Variants in SLC1A2 observed in about 807,000 individuals in gnomAD.
SLC1A2 encodes the protein solute carrier family 1 member 2, also known as excitatory amino acid transporter 2.
In SLC1A2, 15 loss-of-function variants were observed where a neutral mutation model predicts 48.8. That is an observed-to-expected ratio of 0.31 (90% CI 0.21 to 0.47). SLC1A2 has a LOEUF of 0.47. Among genes scored for constraint, SLC1A2 ranks in the 20% least tolerant of loss-of-function variants. The pLI is 0.99. For missense variants in SLC1A2, 502 were observed against 730.5 expected (o/e 0.69, Z 3.61); for synonymous variants, 279 against 272.6 (o/e 1.02, Z -0.23).
chr11:35,402,091 A>AT (rs768981877), intron 1 of SLC1A2, among the ~76,000 whole-genome samples: 7 of 152,218 alleles, frequency 4.6e-5, no homozygotes, highest in Non-Finnish European at 7.3e-5. Flanking sequence ...TTGTGATACA[A>AT]TAAAAAATAA....
At chr11:35,408,088 C>T (rs78900116) in intron 1 of SLC1A2, among the ~76,000 whole-genome samples, 6,522 of 152,252 alleles carry the variant, frequency 0.043, 228 homozygotes, top group South Asian at 0.14. Context: ...GCACTTACCT[C>T]GCCCCCATTT....
intron 5 of SLC1A2, among the ~76,000 whole-genome samples, chr11:35,301,890 A>G (rs1411357334): frequency 2.0e-5 from 3 of 152,240 alleles, no homozygotes; most frequent in Non-Finnish European, 2.9e-5. Context: ...GTCCTTGAAG[A>G]AAATGTATTC....
chr11:35,348,611 G>T (rs1350427234), intron 1 of SLC1A2, among the ~76,000 whole-genome samples: 2 of 152,048 alleles, frequency 1.3e-5, no homozygotes, highest in Non-Finnish European at 2.9e-5. Flanking sequence ...AGAAGACAGA[G>T]GCCAGGCATG....
Position 35,368,627 on chromosome 11 carries a change from G to C in SLC1A2, c.17+50323C>G, listed in dbSNP as rs1295898708. Among the ~76,000 whole-genome samples the C allele has an allele frequency of 3.9e-5, 6 of 152,166 alleles. No homozygotes were observed. The East Asian group carries it at 1.2e-3, about 29-fold the overall frequency. On this transcript the variant is annotated intron_variant, in intron 1 of 10. Transcript: ENST00000278379. ...AACAACTGTTCTAAAAAGCAGCAAG[G>C]GTTGTCATGAATATTTTAAGTCAGA... is the stretch of plus-strand genomic sequence containing the variant.
intron 5 of SLC1A2, among the ~76,000 whole-genome samples, chr11:35,304,600 T>C (rs1851448626): frequency 6.6e-6 from 1 of 152,066 alleles, no homozygotes; most frequent in African/African-American, 2.4e-5. Flanking sequence ...TCAGCTCATC[T>C]CTTCCCTCAC....
intron 1 of SLC1A2, among the ~76,000 whole-genome samples, chr11:35,335,260 C>T (rs1310993250): frequency 1.3e-5 from 2 of 152,160 alleles, no homozygotes; most frequent in African/African-American, 4.8e-5. Flanking sequence ...CCAACCTCAA[C>T]CTCATAGCTG....
chr11:35,350,779 T>C (rs976311796), intron 1 of SLC1A2, among the ~76,000 whole-genome samples: 4 of 152,224 alleles, frequency 2.6e-5, no homozygotes, highest in African/African-American at 9.7e-5. Flanking sequence ...TGGGCTGAGA[T>C]TGGAGCTGCT....
At chr11:35,364,755 A>G (rs1853787452) in intron 1 of SLC1A2, among the ~76,000 whole-genome samples, 1 of 152,200 alleles carries the variant, frequency 6.6e-6, no homozygotes, top group Non-Finnish European at 1.5e-5. Context: ...ACCTGCACTC[A>G]ATACAAGTTA....
chr11:35,352,256 T>C (rs563924253), intron 1 of SLC1A2: 1 of 152,268 alleles, frequency 6.6e-6, no homozygotes, highest in Non-Finnish European at 1.5e-5. Context: ...TGGTTATGAA[T>C]CTCAAACTTC....
intron 1 of SLC1A2, chr11:35,374,380 A>G: frequency 1.4e-6 from 1 of 724,530 alleles, no homozygotes. Flanking sequence ...AATTACAGAG[A>G]CCTGGCCTCC....
intron 5 of SLC1A2, among the ~76,000 whole-genome samples, chr11:35,305,811 G>A (rs956015646): frequency 1.3e-5 from 2 of 152,142 alleles, no homozygotes; most frequent in African/African-American, 4.8e-5. Context: ...AGAGAGTCAG[G>A]GAATGTGCCC....
At position 35,418,871 on chromosome 11, in the gene SLC1A2, T is replaced by C. The variant is rs559493244; in HGVS notation, c.17+79A>G. 17 of 1,364,556 alleles carry C rather than the reference T, an allele frequency of 1.2e-5. No homozygotes were observed. In the South Asian group the frequency reaches 1.2e-4, roughly 10 times the overall value. The allele number at this position is 1,364,556 out of a possible 1,614,324, so 84.5% of individuals were successfully genotyped here. A position where few individuals can be genotyped will look rare whatever the true frequency, so the allele number is the denominator to read the frequency against. ...CCGAGGCCCGCCGCCGCCGCCTCTC[T>C]ATCCGCATCCCGGATAGGGGCGCCA... On this transcript the variant is annotated intron_variant, in intron 1 of 10. Coordinates refer to ENST00000278379, the MANE Select transcript of SLC1A2 (RefSeq NM_004171.4).
At chr11:35,300,743 A>T (rs1233984529) in intron 6 of SLC1A2, among the ~76,000 whole-genome samples, 1 of 152,230 alleles carries the variant, frequency 6.6e-6, no homozygotes, top group African/African-American at 2.4e-5. Flanking sequence ...ATGCTGAGCG[A>T]GGTGGCTCAT....
At chr11:35,326,717 A>T (rs1304469462) in intron 1 of SLC1A2, among the ~76,000 whole-genome samples, 1 of 152,206 alleles carries the variant, frequency 6.6e-6, no homozygotes, top group East Asian at 1.9e-4. Context: ...AAAACGCCAC[A>T]CAATTCTTTT....
At chr11:35,401,423 GTC>G (rs1489466725) in intron 1 of SLC1A2, among the ~76,000 whole-genome samples, 3 of 152,180 alleles carry the variant, frequency 2.0e-5, no homozygotes, top group Non-Finnish European at 4.4e-5. Flanking sequence ...GCTACAAAGA[GTC>G]TTTTTTGTCA....
At chr11:35,280,269 C>A (rs2134682775) in intron 9 of SLC1A2, 1 of 152,384 alleles carries the variant, frequency 6.6e-6, no homozygotes, top group Non-Finnish European at 1.5e-5. Flanking sequence ...TTAAGCAATT[C>A]TCCTGCCTCC....
At chr11:35,337,490 T>C (rs1852677561) in intron 1 of SLC1A2, among the ~76,000 whole-genome samples, 1 of 152,106 alleles carries the variant, frequency 6.6e-6, no homozygotes, top group South Asian at 2.1e-4. Flanking sequence ...TTTCCACCAG[T>C]TCAGGAATAT....
rs759301527 is a variant in SLC1A2, at chr11:35,315,119, G to T, written c.214C>A (p.Pro72Thr). ...AAGGCTATTAACATAACCACATCAGGGTGGATGGGAGATGCCAAGCGAAGA... is the reference window on the plus strand; with the variant it reads ...AAGGCTATTAACATAACCACATCAGTGTGGATGGGAGATGCCAAGCGAAGA... The part of the protein sequence containing the change: ...GLLRLASPIH[P>T]DVVMLIAFPG... Residue 72 changes from proline (P) to threonine (T), a missense_variant, in exon 3 of 11, where the codon CCT (proline) becomes ACT (threonine). Transcript: ENST00000278379. 1.2e-6 allele frequency: 2 copies of T among 1,612,462 alleles called. No individual in the cohort carries two copies. Among genetic ancestry groups the T allele is most frequent in the Admixed American group, 1.7e-5 (1 of 59,996 alleles).
chr11:35,270,327 T>C (rs909236771), intron 9 of SLC1A2, among the ~76,000 whole-genome samples: 2 of 152,108 alleles, frequency 1.3e-5, no homozygotes, highest in African/African-American at 4.8e-5. Context: ...CTAAGCGGAA[T>C]AAGAGAAATA....
Sources: allele counts gnomAD v4.1 joint callset (sites outside exome capture counted in the v4.1 genomes callset), GRCh38; gene constraint gnomAD v4.1.1; transcripts MANE v1.5; gene names NCBI Gene and HGNC (gene_info 2026-07-23, HGNC 2026-07-21).